The following NCOA1 variants were observed in gnomAD, a reference collection of about 807,000 sequenced individuals.
NCOA1 encodes Hin-2 protein.
In NCOA1, 35 loss-of-function variants were observed where a neutral mutation model predicts 150.9. The observed-to-expected ratio is 0.23, with a 90% CI of 0.18 to 0.31. The LOEUF (loss-of-function observed/expected upper bound fraction) is 0.31, where lower values mean the gene tolerates loss of function less well. NCOA1 is among the 10% of genes least tolerant of loss of function. The pLI is 1.00. For synonymous variants in NCOA1, 590 were observed against 630.0 expected, an observed-to-expected ratio of 0.94 and a Z score of 0.95; for missense variants, 1,491 against 1,749.3, an observed-to-expected ratio of 0.85 and a Z score of 2.63.
chr2:24,730,446 A>T (rs2148643623), intron 17 of NCOA1, among the ~76,000 whole-genome samples: 1 of 152,364 alleles, frequency 6.6e-6, no homozygotes, highest in African/African-American at 2.4e-5. Flanking sequence ...TATTAAATTA[A>T]GAGAAACAGC....
At chr2:24,616,994 A>G (rs949771763) in intron 3 of NCOA1, among the ~76,000 whole-genome samples, 4 of 152,228 alleles carry the variant, frequency 2.6e-5, no homozygotes, top group African/African-American at 9.6e-5. Context: ...TTAGTATACT[A>G]GGAGTAGCCA....
At chr2:24,619,758 A>G (rs984583786) in intron 3 of NCOA1, among the ~76,000 whole-genome samples, 1 of 152,192 alleles carries the variant, frequency 6.6e-6, no homozygotes, top group South Asian at 2.1e-4. Context: ...CTTCTTACAA[A>G]CAAGAAAACA....
chr2:24,544,276 T>A (rs1665518112), intron 1 of NCOA1, among the ~76,000 whole-genome samples: 1 of 152,022 alleles, frequency 6.6e-6, no homozygotes, highest in African/African-American at 2.4e-5. Context: ...ATCCAACTGG[T>A]AGTTGGATAA....
intron 10 of NCOA1, among the ~76,000 whole-genome samples, chr2:24,695,892 C>G (rs1295926273): frequency 2.0e-5 from 3 of 152,174 alleles, no homozygotes; most frequent in African/African-American, 7.2e-5. Context: ...TGGGGCCAAC[C>G]CTGACATGAA....
intron 3 of NCOA1, among the ~76,000 whole-genome samples, chr2:24,591,087 G>GT (rs1358884704): frequency 6.6e-6 from 1 of 152,116 alleles, no homozygotes; most frequent in Non-Finnish European, 1.5e-5. Flanking sequence ...ATAAAATACT[G>GT]TAAGTATAAA....
At chr2:24,495,299 C>A (rs1336353541) in intron 1 of NCOA1, among the ~76,000 whole-genome samples, 1 of 151,994 alleles carries the variant, frequency 6.6e-6, no homozygotes, top group East Asian at 1.9e-4. Flanking sequence ...TGCTTCTTCC[C>A]CCATAACCCC....
intron 17 of NCOA1, among the ~76,000 whole-genome samples, chr2:24,732,826 A>G: frequency 6.6e-6 from 1 of 152,126 alleles, no homozygotes; most frequent in Admixed American, 6.5e-5. Context: ...CTAGCAGAAG[A>G]AAAGGGACTG....
chr2:24,503,216 GA>G (rs1663539728), intron 1 of NCOA1, among the ~76,000 whole-genome samples: 2 of 152,178 alleles, frequency 1.3e-5, no homozygotes, highest in Non-Finnish European at 2.9e-5. Context: ...AATTAAATTG[GA>G]AATCTGGTAT....
intron 3 of NCOA1, among the ~76,000 whole-genome samples, chr2:24,637,914 T>C (rs1670012115): frequency 6.7e-6 from 1 of 149,668 alleles, no homozygotes; most frequent in Non-Finnish European, 1.5e-5. Flanking sequence ...CAGGCTGGTC[T>C]TGAACTCCCG....
intron 17 of NCOA1, among the ~76,000 whole-genome samples, chr2:24,733,356 C>T (rs1663118029): frequency 6.6e-6 from 1 of 151,840 alleles, no homozygotes; most frequent in African/African-American, 2.4e-5. Context: ...ACCATTAGCG[C>T]ACTAAAAATT....
intron 14 of NCOA1, among the ~76,000 whole-genome samples, chr2:24,724,154 G>A (rs530234920): frequency 6.6e-6 from 1 of 152,102 alleles, no homozygotes; most frequent in South Asian, 2.1e-4. Context: ...TTAAATGGAG[G>A]AAGTATGATG....
chr2:24,563,351 G>T (rs1374976336), intron 1 of NCOA1, among the ~76,000 whole-genome samples: 1 of 152,144 alleles, frequency 6.6e-6, no homozygotes, highest in African/African-American at 2.4e-5. Context: ...GGAGTCACAG[G>T]TAGAAGTAAC....
In NCOA1 at chr2:24,545,605, T is replaced by G. The variant is rs550781701; in HGVS notation, c.-395-18690T>G. On this transcript the variant is annotated intron_variant, in intron 1 of 22. Coordinates refer to ENST00000348332, the MANE Select transcript of NCOA1 (RefSeq NM_003743.5). ...CTTGGTGACTGAGAGGAATGGTTATTTGTATAGATTCTGTTTGAGATCAGA... is the reference window on the plus strand; with the variant it reads ...CTTGGTGACTGAGAGGAATGGTTATGTGTATAGATTCTGTTTGAGATCAGA... Among the ~76,000 whole-genome samples the G allele has an allele frequency of 8.0e-4, 121 of 152,188 alleles. 1 individual carries two copies. Among genetic ancestry groups the G allele is most frequent in the African/African-American group, 2.8e-3 (115 of 41,542 alleles).
chr2:24,507,667 C>T (rs371277068), intron 1 of NCOA1, among the ~76,000 whole-genome samples: 8 of 151,860 alleles, frequency 5.3e-5, no homozygotes, highest in African/African-American at 1.7e-4. Context: ...CTCCACGTCT[C>T]GGTACCAGGA....
chr2:24,492,750 C>T (rs1663033107), intron 1 of NCOA1, among the ~76,000 whole-genome samples: 1 of 152,116 alleles, frequency 6.6e-6, no homozygotes, highest in African/African-American at 2.4e-5. Context: ...GAGTGAATTG[C>T]AGTCCCAGCA....
intron 8 of NCOA1, among the ~76,000 whole-genome samples, chr2:24,688,816 T>C (rs959321562): frequency 6.6e-6 from 1 of 152,218 alleles, no homozygotes; most frequent in African/African-American, 2.4e-5. Context: ...ATGAAATCTT[T>C]GCCCATTCCT....
chr2:24,521,164 T>C (rs1271010574), intron 1 of NCOA1, among the ~76,000 whole-genome samples: 1 of 152,218 alleles, frequency 6.6e-6, no homozygotes, highest in African/African-American at 2.4e-5. Context: ...ATGCTTATGG[T>C]ATACAACATG....
intron 13 of NCOA1, among the ~76,000 whole-genome samples, chr2:24,708,698 C>T (rs998684473): frequency 3.9e-5 from 6 of 152,140 alleles, no homozygotes; most frequent in Non-Finnish European, 7.4e-5. Flanking sequence ...AGTTTATCCA[C>T]GAGACTCCAT....
intron 1 of NCOA1, among the ~76,000 whole-genome samples, chr2:24,547,543 A>G (rs1013399107): frequency 2.0e-5 from 3 of 152,216 alleles, no homozygotes; most frequent in East Asian, 3.8e-4. Flanking sequence ...AGCAAAGACT[A>G]TCATAATTTA....
Sources: allele counts gnomAD v4.1 joint callset (sites outside exome capture counted in the v4.1 genomes callset), GRCh38; gene constraint gnomAD v4.1.1; transcripts MANE v1.5; gene names NCBI Gene and HGNC (gene_info 2026-07-23, HGNC 2026-07-21).